The following LTBP2 variants were observed in gnomAD, a reference collection of about 807,000 sequenced individuals.
LTBP2 encodes latent-transforming growth factor beta-binding protein 2.
LTBP2 carries 103 observed loss-of-function variants against 210.6 expected under a neutral mutation model. That is an observed-to-expected ratio of 0.49 (90% confidence interval 0.42 to 0.58). LTBP2 has a LOEUF of 0.58. Among genes scored for constraint, LTBP2 ranks in the 20% least tolerant of loss-of-function variants. The pLI, the probability that LTBP2 is intolerant of heterozygous loss-of-function variation, is 0.00. For synonymous variants in LTBP2, 1,007 were observed against 1,015.0 expected (o/e 0.99, Z 0.15); for missense variants, 2,313 against 2,494.5 (o/e 0.93, Z 1.55).
In LTBP2 at chr14:74,506,168, G is replaced by C. The variant is rs768334156; in HGVS notation, c.4057C>G (p.Leu1353Val). Residue 1353 changes from leucine (L) to valine (V), a missense_variant, in exon 28 of 36, where the codon CTG becomes GTG. By Grantham distance (32) the Leu-to-Val change is conservative. This residue lies in a region of LTBP2 where 1,867 missense variants were observed against 1,976.9 expected (regional missense o/e 0.94). Coordinates refer to ENST00000261978, the MANE Select transcript of LTBP2 (RefSeq NM_000428.3). ...CVDVNECELM[L>V]AVCGAALCEN... ...CAGAGCGCGGCCCCACATACCGCCA[G>C]CATAAGCTCACACTCGTTCACATCT... 2.5e-6 allele frequency: 4 copies of C among 1,614,042 alleles called. No homozygotes were observed. Among genetic ancestry groups the C allele is most frequent in the Non-Finnish European group, 2.5e-6 (3 of 1,180,006 alleles).
intron 33 of LTBP2, 134 bp downstream of exon 33, chr14:74,503,085 C>A (rs575184586): frequency 1.3e-6 from 2 of 1,495,140 alleles, no homozygotes; most frequent in African/African-American, 2.8e-5. Context: ...CCTACTTTGT[C>A]CCCAAACAGC....
At chr14:74,575,516 C>T (rs2088046447) in intron 3 of LTBP2, among the ~76,000 whole-genome samples, 1 of 152,214 alleles carries the variant, frequency 6.6e-6, no homozygotes, top group South Asian at 2.1e-4. Context: ...TGAAGGACAA[C>T]CCCTGGTGTT....
At chr14:74,506,566 T>C in intron 27 of LTBP2, 132 bp downstream of exon 27, 1 of 1,441,424 alleles carries the variant, frequency 6.9e-7, no homozygotes, top group Non-Finnish European at 9.6e-7. Context: ...AGTCTCCCTC[T>C]TCTTTGAAGC....
At chr14:74,575,200 C>T (rs767292673) in intron 3 of LTBP2, among the ~76,000 whole-genome samples, 5 of 152,210 alleles carry the variant, frequency 3.3e-5, no homozygotes, top group Admixed American at 2.6e-4. Flanking sequence ...ACCTGTACCC[C>T]CTAAGGCCAG....
chr14:74,560,003 C>G (rs1271323186), intron 3 of LTBP2: 3 of 152,208 alleles, frequency 2.0e-5, no homozygotes, highest in Non-Finnish European at 2.9e-5. Context: ...AAGAATGGAA[C>G]TTGCTATCTT....
intron 3 of LTBP2, among the ~76,000 whole-genome samples, chr14:74,579,425 C>G (rs925289658): frequency 1.3e-5 from 2 of 152,212 alleles, no homozygotes; most frequent in African/African-American, 4.8e-5. Context: ...CCACGGGAAA[C>G]CCGTGGGCTC....
chr14:74,519,321 G>A (rs1039037647), intron 17 of LTBP2, among the ~76,000 whole-genome samples: 1 of 151,826 alleles, frequency 6.6e-6, no homozygotes, highest in African/African-American at 2.4e-5. Flanking sequence ...AATATATAAC[G>A]GACTCCTAAA....
intron 3 of LTBP2, among the ~76,000 whole-genome samples, chr14:74,585,108 T>C (rs2088186580): frequency 6.6e-6 from 1 of 152,222 alleles, no homozygotes; most frequent in South Asian, 2.1e-4. Flanking sequence ...AGATTTCCTG[T>C]CCTGAGCTAG....
intron 18 of LTBP2, 78 bp from the exon 19 acceptor site, chr14:74,511,442 G>C (rs1426216208): frequency 7.6e-6 from 12 of 1,583,616 alleles, no homozygotes; most frequent in Non-Finnish European, 1.0e-5. Context: ...GCAAATCCTT[G>C]TCCCTGCCTT....
chr14:74,594,664 G>A (rs972655585), intron 2 of LTBP2, among the ~76,000 whole-genome samples: 1 of 152,168 alleles, frequency 6.6e-6, no homozygotes, highest in African/African-American at 2.4e-5. Context: ...TTTGTCCCTG[G>A]AATCTGCTTA....
At chr14:74,585,127 T>C (rs971499749) in intron 3 of LTBP2, among the ~76,000 whole-genome samples, 1 of 152,234 alleles carries the variant, frequency 6.6e-6, no homozygotes, top group African/African-American at 2.4e-5. Flanking sequence ...AGAAAAAGTC[T>C]AGCCAGATGG....
rs750045564 is a variant in LTBP2, at chr14:74,504,875, C to T, written c.4370-14G>A. 16 of 1,613,850 alleles carry T rather than the reference C, an allele frequency of 9.9e-6. No individual in the cohort carries two copies. Among genetic ancestry groups the T allele is most frequent in the East Asian group, 8.9e-5 (4 of 44,900 alleles). ...CGCTGAATTCAGCTATGTAGAGAGG[C>T]GTTTCAGCTCAGAGTGGGGAGGGCC... On this transcript the variant is annotated splice_polypyrimidine_tract_variant and intron_variant, in intron 29 of 35. Transcript: ENST00000261978.
intron 8 of LTBP2, among the ~76,000 whole-genome samples, chr14:74,540,867 TTATATATATAA>T (rs2087495216): frequency 4.4e-5 from 3 of 67,508 alleles, no homozygotes; most frequent in Non-Finnish European, 8.8e-5. Flanking sequence ...TTATATATAT[TTATATATATAA>T]TATATATATT....
At chr14:74,550,785 C>T (rs558161512) in intron 7 of LTBP2, among the ~76,000 whole-genome samples, 1 of 152,330 alleles carries the variant, frequency 6.6e-6, no homozygotes, top group African/African-American at 2.4e-5. Flanking sequence ...GCTGCCTTCA[C>T]CTGAGGATGC....
At chr14:74,582,341 T>A (rs1232985975) in intron 3 of LTBP2, among the ~76,000 whole-genome samples, 4 of 151,408 alleles carry the variant, frequency 2.6e-5, no homozygotes, top group Non-Finnish European at 5.9e-5. Flanking sequence ...TGGGCTCTGA[T>A]TTCTTCCCAG....
intron 18 of LTBP2, among the ~76,000 whole-genome samples, chr14:74,513,722 G>T (rs1281148843): frequency 3.3e-5 from 5 of 152,244 alleles, no homozygotes; most frequent in Non-Finnish European, 7.3e-5. Context: ...AGAATCGCTT[G>T]AACCCGGTGG....
At chr14:74,532,867 T>G (rs559292904) in intron 9 of LTBP2, among the ~76,000 whole-genome samples, 2 of 152,228 alleles carry the variant, frequency 1.3e-5, no homozygotes, top group East Asian at 3.9e-4. Flanking sequence ...TGAGACAGAG[T>G]CTCGTTTTGC....
intron 3 of LTBP2, among the ~76,000 whole-genome samples, chr14:74,581,144 A>G (rs1344715537): frequency 6.6e-6 from 1 of 152,196 alleles, no homozygotes; most frequent in Admixed American, 6.5e-5. Context: ...GGGCCAGATC[A>G]CATAGGGCCA....
At chr14:74,564,077 ATATATATATT>A (rs2087837069) in intron 3 of LTBP2, among the ~76,000 whole-genome samples, 3 of 33,610 alleles carry the variant, frequency 8.9e-5, no homozygotes, top group Admixed American at 5.8e-4. Context: ...ATATATATTT[ATATATATATT>A]TATATATATA....
Sources: gnomAD v4.1 joint callset for allele counts (sites outside exome capture counted in the v4.1 genomes callset) on GRCh38, gnomAD v4.1.1 for gene constraint, gnomAD v4.1.1 regional missense constraint, MANE v1.5 for transcripts, NCBI Gene and HGNC (gene_info 2026-07-23, HGNC 2026-07-21) for gene names.